The following TBL1X variants were observed in gnomAD, a reference collection of about 807,000 sequenced individuals.
The protein encoded by TBL1X is F-box-like/WD repeat-containing protein TBL1X.
A neutral mutation model predicts 50.7 loss-of-function variants in TBL1X; 10 were observed. The ratio of observed to expected loss-of-function variants is 0.20; its 90% confidence interval spans 0.12 to 0.33. The LOEUF is 0.33. Ranked by LOEUF, TBL1X falls within the 10% of genes least tolerant of loss-of-function variation. TBL1X has a pLI of 1.00. For synonymous variants in TBL1X, 190 were observed against 214.7 expected (o/e 0.88, Z 1.01); for missense variants, 340 against 504.4 (o/e 0.67, Z 3.12).
At position 9,709,279 on chromosome X, in the gene TBL1X, C is replaced by G; in HGVS notation, c.1268C>G (p.Ser423Cys). 1.7e-6 allele frequency: 2 copies of G among 1,211,889 alleles called. No individual in the cohort carries two copies. Among genetic ancestry groups the G allele is most frequent in the Non-Finnish European group, 2.2e-6 (2 of 895,555 alleles). ...NEVNAIKWDP[S>C]GMLLASCSDD... ...GTCAACGCCATCAAATGGGATCCGT[C>G]TGGAATGTTGCTGGCATCCTGCTCG... Residue 423 changes from serine (S) to cysteine (C), a missense_variant, in exon 14 of 18, where the codon TCT (serine) becomes TGT (cysteine). Around this residue, in one of 6 missense-constraint regions of TBL1X, gnomAD observed 170 missense variants for 272.6 expected, o/e 0.62. Coordinates refer to ENST00000645353, the MANE Select transcript of TBL1X (RefSeq NM_005647.4).
intron 2 of TBL1X, among the ~76,000 whole-genome samples, chrX:9,567,364 A>G: frequency 9.0e-6 from 1 of 110,906 alleles, no homozygotes; most frequent in Non-Finnish European, 1.9e-5. Flanking sequence ...GCCAGCGTGC[A>G]CCGCCACTGC....
chrX:9,532,849 A>G (rs1356574013), intron 2 of TBL1X, among the ~76,000 whole-genome samples: 1 of 111,384 alleles, frequency 9.0e-6, no homozygotes, highest in Non-Finnish European at 1.9e-5. Flanking sequence ...ACTCCAAATG[A>G]ACAGTCACAT....
At chrX:9,658,297 G>A (rs1450777857) in intron 5 of TBL1X, among the ~76,000 whole-genome samples, 1 of 111,196 alleles carries the variant, frequency 9.0e-6, no homozygotes, top group Non-Finnish European at 1.9e-5. Context: ...TCCATTGCCT[G>A]GTCACTTGTG....
At chrX:9,649,655 C>G (rs751909433) in intron 3 of TBL1X, among the ~76,000 whole-genome samples, 8 of 112,072 alleles carry the variant, frequency 7.1e-5, no homozygotes, top group Non-Finnish European at 1.5e-4. Context: ...ATCTTATATT[C>G]TCATTCTCCA....
At chrX:9,555,779 G>C (rs2082294338) in intron 2 of TBL1X, among the ~76,000 whole-genome samples, 1 of 111,888 alleles carries the variant, frequency 8.9e-6, no homozygotes, top group South Asian at 3.7e-4. Context: ...GATGAAATTA[G>C]GGACTACCAT....
chrX:9,682,405 T>C (rs1255399953), intron 5 of TBL1X, among the ~76,000 whole-genome samples: 4 of 112,012 alleles, frequency 3.6e-5, no homozygotes, highest in Non-Finnish European at 7.5e-5. Flanking sequence ...TCTGTGCAAT[T>C]GATTGTAAAA....
intron 12 of TBL1X, 146 bp downstream of exon 12, chrX:9,697,575 C>A: frequency 5.1e-6 from 4 of 788,715 alleles, no homozygotes; most frequent in Non-Finnish European, 7.2e-6. Context: ...AGTTCAAGAC[C>A]AGCCTGGGCA....
chrX:9,581,789 C>A (rs754727148), intron 2 of TBL1X, among the ~76,000 whole-genome samples: 1 of 112,154 alleles, frequency 8.9e-6, no homozygotes, highest in East Asian at 2.8e-4. Flanking sequence ...TTCTGAAACG[C>A]CGTTGGAAAC....
chrX:9,630,198 G>A (rs1399859804), intron 2 of TBL1X, among the ~76,000 whole-genome samples: 3 of 111,658 alleles, frequency 2.7e-5, no homozygotes, highest in Non-Finnish European at 5.6e-5. Flanking sequence ...TGTTAAGTTC[G>A]CTTATTAATT....
intron 3 of TBL1X, among the ~76,000 whole-genome samples, chrX:9,651,836 G>T (rs776489663): frequency 4.5e-5 from 5 of 112,339 alleles, no homozygotes; most frequent in African/African-American, 9.7e-5. Context: ...CAGTGTTCTG[G>T]CAACTATAAA....
At chrX:9,502,405 C>T (rs1328249014) in intron 2 of TBL1X, among the ~76,000 whole-genome samples, 1 of 112,409 alleles carries the variant, frequency 8.9e-6, no homozygotes, top group African/African-American at 3.2e-5. Flanking sequence ...TCCATCTCAT[C>T]TTCTCTGCTC....
intron 2 of TBL1X, among the ~76,000 whole-genome samples, chrX:9,596,525 A>C (rs2082527234): frequency 9.0e-6 from 1 of 110,988 alleles, no homozygotes; most frequent in Admixed American, 9.6e-5. Context: ...GATGCCGCTC[A>C]ACATCCTACA....
chrX:9,550,813 C>A (rs1006440198), intron 2 of TBL1X, among the ~76,000 whole-genome samples: 10 of 112,051 alleles, frequency 8.9e-5, no homozygotes, highest in Non-Finnish European at 1.5e-4. Flanking sequence ...CAGTGATTCT[C>A]AACCAGGGCA....
intron 12 of TBL1X, among the ~76,000 whole-genome samples, chrX:9,702,768 A>C (rs904557769): frequency 1.8e-5 from 2 of 112,010 alleles, no homozygotes; most frequent in Non-Finnish European, 3.8e-5. Flanking sequence ...GGAGAACATA[A>C]CTTGGCAAAT....
chrX:9,680,518 T>G (rs2083019146), intron 5 of TBL1X, among the ~76,000 whole-genome samples: 1 of 111,251 alleles, frequency 9.0e-6, no homozygotes, highest in African/African-American at 3.3e-5. Flanking sequence ...CAGGCACCAG[T>G]GGCAGAACGA....
intron 2 of TBL1X, among the ~76,000 whole-genome samples, chrX:9,568,591 C>T (rs1446637467): frequency 1.9e-5 from 2 of 102,728 alleles, no homozygotes; most frequent in African/African-American, 7.2e-5. Context: ...TCTATCTGTG[C>T]AGTGTGCTGT....
intron 2 of TBL1X, among the ~76,000 whole-genome samples, chrX:9,592,252 T>C (rs1253866440): frequency 1.8e-5 from 2 of 111,951 alleles, no homozygotes; most frequent in Non-Finnish European, 3.8e-5. Context: ...GTTGACCTTT[T>C]TTCCAAGCAT....
intron 2 of TBL1X, among the ~76,000 whole-genome samples, chrX:9,584,825 G>C (rs148693857): frequency 0.01 from 1,130 of 111,575 alleles, 4 homozygotes; most frequent in Admixed American, 0.015. Flanking sequence ...AGAAAACCTT[G>C]GGGGAGGAGG....
At chrX:9,529,265 G>T (rs1033426279) in intron 2 of TBL1X, among the ~76,000 whole-genome samples, 1 of 110,687 alleles carries the variant, frequency 9.0e-6, no homozygotes, top group Non-Finnish European at 1.9e-5. Context: ...ACTTGGGTGG[G>T]TTGCAGCAGA....
Sources: gnomAD v4.1 joint callset for allele counts (sites outside exome capture counted in the v4.1 genomes callset) on GRCh38, gnomAD v4.1.1 for gene constraint, gnomAD v4.1.1 regional missense constraint, MANE v1.5 for transcripts, NCBI Gene and HGNC (gene_info 2026-07-23, HGNC 2026-07-21) for gene names.